The following PDE7B variants were observed in gnomAD, a reference collection of about 807,000 sequenced individuals.
PDE7B encodes the protein phosphodiesterase 7B, also known as 3',5'-cyclic-AMP phosphodiesterase 7B.
PDE7B carries 29 observed loss-of-function variants against 56.2 expected under a neutral mutation model. That is an observed-to-expected ratio of 0.52 (90% CI 0.38 to 0.70). The LOEUF is 0.70. PDE7B is among the 30% of genes least tolerant of loss of function. PDE7B has a pLI of 0.00. For missense variants in PDE7B, 490 were observed against 565.0 expected (o/e 0.87, Z 1.35); for synonymous variants, 197 against 196.9 (o/e 1.00, Z 0.00).
At chr6:135,916,579 G>A (rs1201345885) in intron 1 of PDE7B, among the ~76,000 whole-genome samples, 4 of 151,516 alleles carry the variant, frequency 2.6e-5, no homozygotes, top group Non-Finnish European at 5.9e-5. Context: ...TTTTAGTAGA[G>A]ATGGGGTTTC....
chr6:136,048,610 T>A (rs1160805155), intron 2 of PDE7B, among the ~76,000 whole-genome samples: 1 of 152,170 alleles, frequency 6.6e-6, no homozygotes, highest in Admixed American at 6.5e-5. Flanking sequence ...ATTGGCCTCA[T>A]CTGTCTTTCT....
intron 8 of PDE7B, chr6:136,165,500 T>C (rs1379330650): frequency 2.0e-5 from 3 of 152,166 alleles, no homozygotes; most frequent in Admixed American, 1.3e-4. Flanking sequence ...AAGATAGAAG[T>C]TTATTCCTAA....
chr6:135,896,063 A>G (rs138394368), intron 1 of PDE7B, among the ~76,000 whole-genome samples: 51 of 152,236 alleles, frequency 3.4e-4, no homozygotes, highest in Admixed American at 1.2e-3. Context: ...CTAGCTGCAA[A>G]CTCAATGCTA....
chr6:135,989,263 G>A (rs1005473367), intron 2 of PDE7B, among the ~76,000 whole-genome samples: 7 of 152,114 alleles, frequency 4.6e-5, no homozygotes, highest in Non-Finnish European at 7.4e-5. Flanking sequence ...TATTTTATCC[G>A]TCACTATATT....
At chr6:135,881,272 C>T (rs530262090) in intron 1 of PDE7B, among the ~76,000 whole-genome samples, 2 of 149,594 alleles carry the variant, frequency 1.3e-5, no homozygotes, top group South Asian at 2.1e-4. Flanking sequence ...CTGAAGTGGG[C>T]GGATCACAAG....
In PDE7B at chr6:136,102,523, C is replaced by G. The variant is rs560081739; in HGVS notation, c.83-6208C>G. On this transcript the variant is annotated intron_variant, in intron 2 of 12. Transcript: ENST00000308191. ...CGTGTTTTCATTACTGAAGGCAGAC[C>G]CAGATTTCATAGTCCCCAAGTTGAC... Among the ~76,000 whole-genome samples, 278 of 152,236 alleles carry G rather than the reference C, an allele frequency of 1.8e-3. 1 individual carries two copies. The highest frequency in any genetic ancestry group is 6.5e-3 in the African/African-American group (271 of 41,542).
chr6:136,141,118 TTATTATTTTGAGA>T (rs1194776647), intron 3 of PDE7B, among the ~76,000 whole-genome samples: 6 of 152,200 alleles, frequency 3.9e-5, no homozygotes, highest in Admixed American at 3.9e-4. Context: ...TAGATAGCTC[TTATTATTTTGAGA>T]TACGTCCCAT....
chr6:135,880,258 A>G (rs576769570), intron 1 of PDE7B, among the ~76,000 whole-genome samples: 7 of 152,334 alleles, frequency 4.6e-5, no homozygotes, highest in Non-Finnish European at 8.8e-5. Context: ...ATAATCCACT[A>G]AACAGAAAAT....
At chr6:135,890,477 G>C (rs528433517) in intron 1 of PDE7B, among the ~76,000 whole-genome samples, 30 of 152,290 alleles carry the variant, frequency 2.0e-4, no homozygotes, top group African/African-American at 5.8e-4. Flanking sequence ...TCCTACTGGA[G>C]ATAAAACATA....
chr6:136,038,452 G>A (rs776798582), intron 2 of PDE7B: 2 of 1,290,216 alleles, frequency 1.6e-6, no homozygotes, highest in Non-Finnish European at 2.0e-6. Context: ...AGCTGGTTTG[G>A]AAATCCAAAA....
At position 136,173,521 on chromosome 6, in the gene PDE7B, G is replaced by A. The variant is rs568108047; in HGVS notation, c.712-276G>A. Among the ~76,000 whole-genome samples, 12 of 152,288 alleles carry A rather than the reference G, an allele frequency of 7.9e-5. No individual in the cohort carries two copies. The South Asian group carries it at 2.1e-3, about 26-fold the overall frequency. ...GGCCTGACTGAGCTATTGGAAGAGGGGCAGAGGCAGGAGTGAATGATGCTG... is the reference window on the plus strand; with the variant it reads ...GGCCTGACTGAGCTATTGGAAGAGGAGCAGAGGCAGGAGTGAATGATGCTG... On this transcript the variant is annotated intron_variant, in intron 8 of 12. Transcript: ENST00000308191.
chr6:135,952,107 AG>A, intron 2 of PDE7B, among the ~76,000 whole-genome samples: 1 of 152,274 alleles, frequency 6.6e-6, no homozygotes, highest in East Asian at 1.9e-4. Context: ...TTCCTAGCCC[AG>A]GGGTTTTTCT....
intron 2 of PDE7B, among the ~76,000 whole-genome samples, chr6:136,082,334 A>G (rs1249418949): frequency 2.0e-5 from 3 of 152,148 alleles, no homozygotes; most frequent in Non-Finnish European, 4.4e-5. Context: ...TGAGGAGGTC[A>G]AACAGTCCCT....
intron 1 of PDE7B, among the ~76,000 whole-genome samples, chr6:135,859,435 T>C (rs1775103014): frequency 6.6e-6 from 1 of 152,096 alleles, no homozygotes; most frequent in Non-Finnish European, 1.5e-5. Flanking sequence ...TTATTGTGTT[T>C]GGAGTAAAAA....
chr6:135,928,587 A>G (rs1774242343), intron 1 of PDE7B, among the ~76,000 whole-genome samples: 1 of 147,146 alleles, frequency 6.8e-6, no homozygotes, highest in South Asian at 2.1e-4. Flanking sequence ...ACACACATAC[A>G]CATACATACA....
At chr6:136,002,263 C>A (rs1408794725) in intron 2 of PDE7B, among the ~76,000 whole-genome samples, 2 of 152,120 alleles carry the variant, frequency 1.3e-5, no homozygotes, top group African/African-American at 4.8e-5. Context: ...ATTGTCAAGA[C>A]CGTCAAGGCT....
chr6:135,910,952 C>G (rs1776201411), intron 1 of PDE7B, among the ~76,000 whole-genome samples: 1 of 152,088 alleles, frequency 6.6e-6, no homozygotes, highest in African/African-American at 2.4e-5. Context: ...ACATTCTGGT[C>G]TCAGAAGCAT....
intron 1 of PDE7B, among the ~76,000 whole-genome samples, chr6:135,907,073 C>A (rs1382722558): frequency 2.1e-5 from 3 of 145,508 alleles, no homozygotes; most frequent in African/African-American, 8.2e-5. Flanking sequence ...TGGTGAACTG[C>A]AAACTCTGTT....
intron 1 of PDE7B, among the ~76,000 whole-genome samples, chr6:135,919,011 T>C (rs925936655): frequency 6.6e-6 from 1 of 152,250 alleles, no homozygotes; most frequent in Non-Finnish European, 1.5e-5. Flanking sequence ...CAAATTATTA[T>C]TCCTAATAAA....
Sources: allele counts gnomAD v4.1 joint callset (sites outside exome capture counted in the v4.1 genomes callset), GRCh38; gene constraint gnomAD v4.1.1; transcripts MANE v1.5; gene names NCBI Gene and HGNC (gene_info 2026-07-23, HGNC 2026-07-21).